Variants in RAPGEF6 observed in about 807,000 individuals in gnomAD.
RAPGEF6 encodes PDZ domain containing guanine nucleotide exchange factor (GEF) 2.
Under a neutral mutation model 171.4 loss-of-function variants are expected in RAPGEF6, and 56 were observed. That is an observed-to-expected ratio of 0.33 (90% confidence interval 0.26 to 0.41). The LOEUF (loss-of-function observed/expected upper bound fraction) is 0.41, where lower values mean the gene tolerates loss of function less well. Ranked by LOEUF, RAPGEF6 falls within the 10% of genes least tolerant of loss-of-function variation. The pLI is 1.00. For missense variants in RAPGEF6, 1,674 were observed against 1,921.4 expected (o/e 0.87, Z 2.41); for synonymous variants, 692 against 650.1 (o/e 1.06, Z -0.98).
intron 4 of RAPGEF6, among the ~76,000 whole-genome samples, chr5:131,573,496 C>T (rs974747138): frequency 1.3e-5 from 2 of 151,922 alleles, no homozygotes; most frequent in South Asian, 2.1e-4. Context: ...ATGGAGAGGT[C>T]GTCCTGACCT....
At chr5:131,445,283 C>A (rs1033366843) in intron 22 of RAPGEF6, among the ~76,000 whole-genome samples, 10 of 152,208 alleles carry the variant, frequency 6.6e-5, no homozygotes, top group African/African-American at 2.2e-4. Flanking sequence ...TAAAAATTGT[C>A]AAAACTGAAT....
chr5:131,498,755 T>C (rs936181238), intron 11 of RAPGEF6, 148 bp from the exon 12 acceptor site: 59 of 713,384 alleles, frequency 8.3e-5, no homozygotes, highest in African/African-American at 3.7e-5. Context: ...GCTGGGAGAA[T>C]TGGAATGCAA....
intron 27 of RAPGEF6, among the ~76,000 whole-genome samples, 194 bp downstream of exon 27, chr5:131,428,708 C>T (rs1359459963): frequency 6.6e-6 from 1 of 151,956 alleles, no homozygotes; most frequent in Non-Finnish European, 1.5e-5. Flanking sequence ...GTGATTCGCC[C>T]GCCTCAGCCT....
chr5:131,564,311 CTT>C (rs1378240100), intron 4 of RAPGEF6, among the ~76,000 whole-genome samples: 1 of 152,118 alleles, frequency 6.6e-6, no homozygotes, highest in Non-Finnish European at 1.5e-5. Flanking sequence ...GAAAGGTCCT[CTT>C]GAGTCTTTGA....
At chr5:131,495,857 C>T (rs113571693) in intron 12 of RAPGEF6, among the ~76,000 whole-genome samples, 197 bp from the exon 13 acceptor site, 188 of 152,232 alleles carry the variant, frequency 1.2e-3, no homozygotes, top group African/African-American at 4.1e-3. Flanking sequence ...AGTAACAGAG[C>T]CAGGACACTG....
chr5:131,575,912 T>C (rs557430124), intron 4 of RAPGEF6, among the ~76,000 whole-genome samples: 1 of 152,290 alleles, frequency 6.6e-6, no homozygotes, highest in Non-Finnish European at 1.5e-5. Flanking sequence ...TCAATACTTC[T>C]AGAGGCCCTC....
At chr5:131,631,338 T>G (rs763969758) in intron 1 of RAPGEF6, among the ~76,000 whole-genome samples, 1 of 152,176 alleles carries the variant, frequency 6.6e-6, no homozygotes, top group Non-Finnish European at 1.5e-5. Flanking sequence ...GCTTTTCCCA[T>G]CTCGCTGATG....
intron 3 of RAPGEF6, among the ~76,000 whole-genome samples, chr5:131,593,198 T>A (rs910087777): frequency 7.0e-6 from 1 of 142,236 alleles, no homozygotes; most frequent in Non-Finnish European, 1.6e-5. Context: ...TTACTAATAC[T>A]ACAAATCAAA....
chr5:131,476,534 G>A (rs966795414), intron 16 of RAPGEF6, among the ~76,000 whole-genome samples: 16 of 152,106 alleles, frequency 1.1e-4, no homozygotes, highest in South Asian at 4.1e-4. Flanking sequence ...AGCTTGGCTC[G>A]CCACAACCTC....
At chr5:131,634,569 T>C (rs1766514682) in intron 1 of RAPGEF6, among the ~76,000 whole-genome samples, 1 of 152,228 alleles carries the variant, frequency 6.6e-6, no homozygotes, top group African/African-American at 2.4e-5. Flanking sequence ...TCAGAGACCT[T>C]TAAAGAAAAA....
intron 1 of RAPGEF6, among the ~76,000 whole-genome samples, chr5:131,631,541 T>C (rs1766306417): frequency 6.6e-6 from 1 of 152,234 alleles, no homozygotes; most frequent in African/African-American, 2.4e-5. Context: ...ACTATCACTT[T>C]AGTCAGAGTG....
At chr5:131,442,580 G>A in intron 22 of RAPGEF6, 43 bp from the exon 23 acceptor site, 1 of 1,603,218 alleles carries the variant, frequency 6.2e-7, no homozygotes, top group Non-Finnish European at 8.5e-7. Flanking sequence ...ACGTTTTTAG[G>A]CAAGGTTATC....
chr5:131,562,877 A>G (rs1761692770), intron 4 of RAPGEF6, among the ~76,000 whole-genome samples: 1 of 152,188 alleles, frequency 6.6e-6, no homozygotes, highest in Non-Finnish European at 1.5e-5. Context: ...AGATATAAAG[A>G]TGACTTCTTA....
chr5:131,580,852 C>G (rs1242513977), intron 4 of RAPGEF6, among the ~76,000 whole-genome samples: 2 of 152,204 alleles, frequency 1.3e-5, no homozygotes. Flanking sequence ...TACCCGCCAA[C>G]TGGAAGGGCA....
chr5:131,501,439 C>T (rs1220250911), intron 11 of RAPGEF6, among the ~76,000 whole-genome samples: 1 of 151,444 alleles, frequency 6.6e-6, no homozygotes, highest in African/African-American at 2.4e-5. Context: ...GTAAAAATAA[C>T]ATATTTTCAA....
At chr5:131,465,432 T>C (rs760713936) in intron 17 of RAPGEF6, among the ~76,000 whole-genome samples, 2 of 152,116 alleles carry the variant, frequency 1.3e-5, no homozygotes, top group Non-Finnish European at 2.9e-5. Context: ...CATGAACAAA[T>C]GCTAAAAATT....
chr5:131,509,101 CTTAA>C (rs1561521892), intron 8 of RAPGEF6, among the ~76,000 whole-genome samples: 2 of 152,108 alleles, frequency 1.3e-5, no homozygotes, highest in Admixed American at 6.6e-5. Context: ...AGAAAAAAAT[CTTAA>C]TTAAATCCTA....
At chr5:131,542,675 T>C (rs1389888010) in intron 6 of RAPGEF6, among the ~76,000 whole-genome samples, 1 of 152,204 alleles carries the variant, frequency 6.6e-6, no homozygotes, top group African/African-American at 2.4e-5. Flanking sequence ...TGCAGATATG[T>C]GCTTAATCCT....
intron 1 of RAPGEF6, among the ~76,000 whole-genome samples, chr5:131,623,782 G>A (rs1479940302): frequency 6.6e-6 from 1 of 152,132 alleles, no homozygotes; most frequent in East Asian, 1.9e-4. Flanking sequence ...ACTGCGCCCG[G>A]CCTTGATTTT....
Sources: allele counts gnomAD v4.1 joint callset (sites outside exome capture counted in the v4.1 genomes callset), GRCh38; gene constraint gnomAD v4.1.1; transcripts MANE v1.5; gene names NCBI Gene and HGNC (gene_info 2026-07-23, HGNC 2026-07-21).